PDGFRB: variants seen among roughly 807,000 people sequenced by gnomAD.
PDGFRB encodes platelet-derived growth factor receptor beta.
Under a neutral mutation model 120.2 loss-of-function variants are expected in PDGFRB, and 42 were observed. The observed-to-expected ratio is 0.35, with a 90% CI of 0.27 to 0.45. The LOEUF is 0.45. Among genes scored for constraint, PDGFRB ranks in the 20% least tolerant of loss-of-function variants. The pLI, the probability that PDGFRB is intolerant of heterozygous loss-of-function variation, is 1.00. For missense variants in PDGFRB, 1,149 were observed against 1,476.3 expected (o/e 0.78, Z 3.63); for synonymous variants, 586 against 606.8 (o/e 0.97, Z 0.50).
At position 150,124,432 on chromosome 5, in the gene PDGFRB, T is replaced by C. The variant is rs1337447345; in HGVS notation, c.1913-72A>G. 4.7e-6 allele frequency: 5 copies of C among 1,065,614 alleles called. No homozygotes were observed. In the African/African-American group the frequency reaches 6.2e-5, roughly 13 times the overall value. 66.0% of individuals were successfully genotyped at this position (1,065,614 alleles called of 1,614,324 possible). A position where few individuals can be genotyped will look rare whatever the true frequency, so the allele number is the denominator to read the frequency against. The stretch of plus-strand genomic sequence containing the variant: ...ATGGAGGCCCCACCACAGGAGCCTA[T>C]TCTGACTCTTCTGCCCCGCCCTGTG... On this transcript the variant is annotated intron_variant, in intron 13 of 22. Coordinates refer to ENST00000261799, the MANE Select transcript of PDGFRB (RefSeq NM_002609.4).
Position 150,124,737 on chromosome 5 carries a change from C to T in PDGFRB, c.1902G>A (p.Lys634=), listed in dbSNP as rs2342254. The T allele has an allele frequency of 3.2e-6, 5 of 1,550,476 alleles. No homozygotes were observed. The highest frequency in any genetic ancestry group is 4.4e-6 in the Non-Finnish European group (5 of 1,125,182). ...CCAAGGACTACTCACATTTAAGCAT[C>T]TTGACGGCCACTTTCATCGTGGCCT... ...HSQATMKVAV[K]MLKSTARSSE... Residue 634 remains lysine, a synonymous_variant, in exon 13 of 23, where the codon AAG becomes AAA. Transcript: ENST00000261799.
chr5:150,125,678 GC>G, intron 11 of PDGFRB, 101 bp from the exon 12 acceptor site: 1 of 1,100,026 alleles, frequency 9.1e-7, no homozygotes, highest in Non-Finnish European at 1.3e-6. Flanking sequence ...AGACCCTGAG[GC>G]CCAGAGAGGG....
intron 10 of PDGFRB, among the ~76,000 whole-genome samples, chr5:150,127,599 G>T (rs1371747254): frequency 6.6e-6 from 1 of 152,104 alleles, no homozygotes; most frequent in African/African-American, 2.4e-5. Flanking sequence ...ACTTTGGGAG[G>T]CCAAGGTGGG....
intron 8 of PDGFRB, among the ~76,000 whole-genome samples, chr5:150,131,683 G>A (rs901666676): frequency 6.6e-6 from 1 of 152,172 alleles, no homozygotes; most frequent in Non-Finnish European, 1.5e-5. Flanking sequence ...AATACCTATC[G>A]AGTTAATAGT....
chr5:150,131,828 C>G, intron 8 of PDGFRB, 151 bp downstream of exon 8: 1 of 550,076 alleles, frequency 1.8e-6, no homozygotes, highest in Non-Finnish European at 3.2e-6. Flanking sequence ...CAGGTTCACA[C>G]GGCAGTGGGT....
chr5:150,117,459 T>G (rs1263950559), intron 22 of PDGFRB, among the ~76,000 whole-genome samples, 159 bp downstream of exon 22: 1 of 152,044 alleles, frequency 6.6e-6, no homozygotes, highest in Non-Finnish European at 1.5e-5. Flanking sequence ...TGAGTTCCAT[T>G]CTGTCTTCTA....
rs79091428 is a variant in PDGFRB at position 150,148,401 on chromosome 5, A to G, written c.-7+6996T>C. On this transcript the variant is annotated intron_variant, in intron 1 of 22. Coordinates refer to ENST00000261799, the MANE Select transcript of PDGFRB (RefSeq NM_002609.4). Reference sequence around the variant, plus strand: ...GTCCTGGGCCCTCGGCTGCCTCCTAATAACACAGGATTCACTAGGCTAGGG... The same window carrying G: ...GTCCTGGGCCCTCGGCTGCCTCCTAGTAACACAGGATTCACTAGGCTAGGG... Among the ~76,000 whole-genome samples the G allele has an allele frequency of 7.4e-3, 1,120 of 152,340 alleles. 16 individuals are homozygous for G. The highest frequency in any genetic ancestry group is 0.026 in the African/African-American group (1,063 of 41,584).
At chr5:150,154,766 G>A (rs1219616662) in intron 1 of PDGFRB, among the ~76,000 whole-genome samples, 1 of 152,190 alleles carries the variant, frequency 6.6e-6, no homozygotes, top group Non-Finnish European at 1.5e-5. Context: ...TGACAGCCAG[G>A]TCCCAGCCCC....
rs375578790 is a variant in PDGFRB at position 150,119,448 on chromosome 5, T to C, written c.2798+19A>G. The C allele has an allele frequency of 3.3e-5, 46 of 1,388,826 alleles. No individual in the cohort carries two copies. The highest frequency in any genetic ancestry group is 4.5e-5 in the Non-Finnish European group (44 of 974,192). The allele number at this position is 1,388,826 out of a possible 1,614,324, so 86.0% of individuals were successfully genotyped here. ...GTTTGCAGCACAAAATCCTCCCAAA[T>C]GCATGAGACTCCACTCACATCTCGT... On this transcript the variant is annotated intron_variant, in intron 20 of 22. Transcript: ENST00000261799.
In PDGFRB at chr5:150,132,769, G is replaced by C; in HGVS notation, c.1108C>G (p.Arg370Gly). 6.2e-7 allele frequency: 1 copy of C among 1,613,198 alleles called. No individual in the cohort carries two copies. Among genetic ancestry groups the C allele is most frequent in the East Asian group, 2.2e-5 (1 of 44,866 alleles). The change falls in exon 7 of 23, where the codon CGC becomes GGC. Residue 370 changes from arginine to glycine, a missense_variant. Around this residue, in one of 3 missense-constraint regions of PDGFRB, gnomAD observed 879 missense variants for 1,108.6 expected, o/e 0.79. Coordinates refer to ENST00000261799, the MANE Select transcript of PDGFRB (RefSeq NM_002609.4). This position sits in a 1 kb window ranked among gnomAD's most constrained non-coding sequence, Gnocchi z 5.0. ...GCTCACCGGGTCTCCGACACGTTGC[G>C]CGTGGACAGGGCGATTTCGCCAGCG... ...SSAGEIALST[R>G]NVSETRYVSE...
rs149274963 is a variant in PDGFRB at position 150,129,960 on chromosome 5, C to T, written c.1376G>A (p.Arg459His). 2,314 of 1,613,556 alleles carry T rather than the reference C, an allele frequency of 1.4e-3. 26 individuals carry two copies. Among genetic ancestry groups the T allele is most frequent in the African/African-American group, 0.01 (762 of 75,056 alleles). Reference protein sequence around the residue: ...SACRDLKRCPRELPPTLLGNS... With the variant: ...SACRDLKRCPHELPPTLLGNS... ...CCCCAGCAGCGTGGGCGGCAGCTCA[C>T]GTGGACACCTGCCAGGAGAGCCGGT... The change falls in exon 10 of 23, where the codon CGT becomes CAT. Residue 459 changes from arginine (R) to histidine (H), a missense_variant. By Grantham distance (29) the Arg-to-His change is conservative (BLOSUM62 0). Coordinates refer to ENST00000261799, the MANE Select transcript of PDGFRB (RefSeq NM_002609.4).
In PDGFRB at chr5:150,115,030, T is replaced by G. The variant is rs576936094; in HGVS notation, c.*733A>C. 1 of 233,158 alleles carries G rather than the reference T, an allele frequency of 4.3e-6. No individual in the cohort carries two copies. Among genetic ancestry groups the G allele is most frequent in the South Asian group, 1.8e-4 (1 of 5,522 alleles). 14.4% of individuals were successfully genotyped at this position (233,158 alleles called of 1,614,324 possible). On this transcript the variant is annotated 3_prime_UTR_variant, in exon 23 of 23. Transcript: ENST00000261799. The stretch of plus-strand genomic sequence containing the variant: ...GGTGATAAAGAAAAAGCCCCAGGAC[T>G]GATGGGCCTGAAGGACAGGGACACA...
At chr5:150,124,917 C>T in intron 12 of PDGFRB, 86 bp from the exon 13 acceptor site, 1 of 643,928 alleles carries the variant, frequency 1.6e-6, no homozygotes, top group Non-Finnish European at 2.7e-6. Flanking sequence ...ACTCCCCTAC[C>T]CCCGGCCGCT....
intron 10 of PDGFRB, among the ~76,000 whole-genome samples, chr5:150,127,844 A>AAAAAAAC (rs972313445): frequency 6.7e-6 from 1 of 148,302 alleles, no homozygotes; most frequent in African/African-American, 2.4e-5. Context: ...AAAAAAAAAA[A>AAAAAAAC]AAAAAAAAAA....
chr5:150,145,626 G>A (rs10062000), intron 1 of PDGFRB, among the ~76,000 whole-genome samples: 21,205 of 152,198 alleles, frequency 0.14, 1,787 homozygotes, highest in East Asian at 0.39. Context: ...ACAGGCTCCA[G>A]AGCACACAGC....
At position 150,123,057 on chromosome 5, in the gene PDGFRB, C is replaced by T; in HGVS notation, c.2168G>A (p.Gly723Glu). ...CTCCTGGTACCTGGGCAGGGGGAGC[C>T]CAACGGGCAGAGCATTGCTGTAGAG... ...AELYSNALPV[G>E]LPLPSHVSLT... The change falls in exon 15 of 23, where the codon GGG becomes GAG. Residue 723 changes from glycine (G) to glutamate (E), a missense_variant. Coordinates refer to ENST00000261799, the MANE Select transcript of PDGFRB (RefSeq NM_002609.4). 1 of 1,613,288 alleles carries T rather than the reference C, an allele frequency of 6.2e-7. No homozygotes were observed. Among genetic ancestry groups the T allele is most frequent in the Non-Finnish European group, 8.5e-7 (1 of 1,179,928 alleles).
intron 8 of PDGFRB, among the ~76,000 whole-genome samples, chr5:150,131,520 G>T (rs950301275): frequency 6.6e-6 from 1 of 151,982 alleles, no homozygotes; most frequent in Non-Finnish European, 1.5e-5. Context: ...TTCCTCTCCC[G>T]CAGTGTTAGT....
In PDGFRB at chr5:150,117,538, G is replaced by GCA. The variant is rs1190943348; in HGVS notation, c.3137+79_3137+80insTG. 5.6e-5 allele frequency: 33 copies of GCA among 586,126 alleles called. No individual in the cohort carries two copies. The East Asian group carries it at 6.4e-4, about 11-fold the overall frequency. 36.3% of individuals were successfully genotyped at this position (586,126 alleles called of 1,614,324 possible). A position where few individuals can be genotyped will look rare whatever the true frequency, so the allele number is the denominator to read the frequency against. ...GAGGCAAACCTGGCAGCGCGCGCGC[G>GCA]CGCGCGCACACACACACACACACAC... On this transcript the variant is annotated intron_variant, in intron 22 of 22. Coordinates refer to ENST00000261799, the MANE Select transcript of PDGFRB (RefSeq NM_002609.4).
chr5:150,133,561 A>G (rs1474147959), intron 6 of PDGFRB, 25 bp downstream of exon 6: 1 of 1,601,158 alleles, frequency 6.2e-7, no homozygotes. Context: ...GGAATTGGGG[A>G]TTGGGCTGAG....
Sources: allele counts gnomAD v4.1 joint callset (sites outside exome capture counted in the v4.1 genomes callset), GRCh38; gene constraint gnomAD v4.1.1; regional missense constraint gnomAD v4.1.1; non-coding constraint Gnocchi (gnomAD v3.1); transcripts MANE v1.5; gene names NCBI Gene and HGNC (gene_info 2026-07-23, HGNC 2026-07-21).